Variants in SV2C observed in about 807,000 individuals in gnomAD.
SV2C encodes synaptic vesicle glycoprotein 2C.
Under a neutral mutation model 79.7 loss-of-function variants are expected in SV2C, and 49 were observed. The observed-to-expected ratio is 0.61, with a 90% CI of 0.49 to 0.78. The LOEUF (loss-of-function observed/expected upper bound fraction) is 0.78, where lower values mean the gene tolerates loss of function less well. SV2C is among the 30% of genes least tolerant of loss of function. The pLI, the probability that SV2C is intolerant of heterozygous loss-of-function variation, is 0.00. For synonymous variants in SV2C, 334 were observed against 333.2 expected, an observed-to-expected ratio of 1.00 and a Z score of -0.03; for missense variants, 833 against 912.9, an observed-to-expected ratio of 0.91 and a Z score of 1.13.
At chr5:76,289,406 A>G (rs893979604) in intron 6 of SV2C, among the ~76,000 whole-genome samples, 1 of 152,198 alleles carries the variant, frequency 6.6e-6, no homozygotes, top group African/African-American at 2.4e-5. Context: ...AGGCCCTTCA[A>G]AAATGGCATC....
At chr5:75,894,606 A>C in the SV2C span, among the ~76,000 whole-genome samples, 14 of 152,080 alleles carry the variant, frequency 9.2e-5, no homozygotes. Flanking sequence ...GTTTTTATTT[A>C]ACCTGAGTCA....
the SV2C span, among the ~76,000 whole-genome samples, chr5:76,052,270 TGA>T: frequency 6.6e-6 from 1 of 152,214 alleles, no homozygotes; most frequent in Non-Finnish European, 1.5e-5. Context: ...TTTTGAGTTT[TGA>T]GATCAGTGTG....
At chr5:76,070,594 G>A in the SV2C span, among the ~76,000 whole-genome samples, 1 of 152,186 alleles carries the variant, frequency 6.6e-6, no homozygotes, top group Non-Finnish European at 1.5e-5. Context: ...TCTGGACTTT[G>A]TCTTCTTTGG....
chr5:76,332,082 C>T lies in SV2C; in HGVS notation c.*6535C>T, dbSNP rs971445180. 1 of 152,196 alleles carries T rather than the reference C, an allele frequency of 6.6e-6. No homozygotes were observed. The highest frequency in any genetic ancestry group is 1.5e-5 in the Non-Finnish European group (1 of 68,042). The allele number at this position is 152,196 out of a possible 1,614,324, so 9.4% of individuals were successfully genotyped here. On this transcript the variant is annotated 3_prime_UTR_variant, in exon 13 of 13. Coordinates refer to ENST00000502798, the MANE Select transcript of SV2C (RefSeq NM_014979.4). Reference sequence around the variant, plus strand: ...CTCTCCATGTCTGCAGAAGATTCCCCACTTGGTGCTGAAGGCTAGGTGCCT... The same window carrying T: ...CTCTCCATGTCTGCAGAAGATTCCCTACTTGGTGCTGAAGGCTAGGTGCCT...
chr5:75,905,725 A>G, the SV2C span, among the ~76,000 whole-genome samples: 1 of 151,976 alleles, frequency 6.6e-6, no homozygotes, highest in Non-Finnish European at 1.5e-5. Context: ...TCCCTGAAAA[A>G]ATGGGACTTG....
chr5:76,317,063 A>T (rs1293335043), intron 12 of SV2C, among the ~76,000 whole-genome samples: 1 of 152,192 alleles, frequency 6.6e-6, no homozygotes, highest in Non-Finnish European at 1.5e-5. Flanking sequence ...GAATATGTAA[A>T]TTAGGAGTGT....
chr5:76,179,762 C>T lies in SV2C; in HGVS notation c.581-15157C>T, dbSNP rs191254756. ...ACATCCATTAGTGCAAGGTAGATCC[C>T]GCTATTTATTCACTCACTGCTCTGG... is the stretch of plus-strand genomic sequence containing the variant. On this transcript the variant is annotated intron_variant, in intron 2 of 12. Coordinates refer to ENST00000502798, the MANE Select transcript of SV2C (RefSeq NM_014979.4). Among the ~76,000 whole-genome samples the T allele has an allele frequency of 4.4e-4, 67 of 152,276 alleles. 1 individual carries two copies. Among genetic ancestry groups the T allele is most frequent in the Admixed American group, 2.0e-4 (3 of 15,298 alleles).
chr5:76,194,784 C>A, intron 2 of SV2C, 135 bp from the exon 3 acceptor site: 3 of 1,061,760 alleles, frequency 2.8e-6, no homozygotes, highest in Admixed American at 2.4e-5. Flanking sequence ...TTACTGTGTC[C>A]TGAAGGTTAT....
intron 4 of SV2C, among the ~76,000 whole-genome samples, chr5:76,261,678 T>A (rs1746474506): frequency 6.6e-6 from 1 of 152,202 alleles, no homozygotes; most frequent in Non-Finnish European, 1.5e-5. Flanking sequence ...ATCAAAGGCC[T>A]TTTCTGCAAC....
At chr5:75,970,257 A>C in the SV2C span, among the ~76,000 whole-genome samples, 4 of 152,246 alleles carry the variant, frequency 2.6e-5, no homozygotes, top group African/African-American at 4.8e-5. Context: ...AATCACAATT[A>C]AAAGAACTAG....
At chr5:76,224,360 G>A (rs2112385312) in intron 4 of SV2C, among the ~76,000 whole-genome samples, 1 of 152,242 alleles carries the variant, frequency 6.6e-6, no homozygotes, top group South Asian at 2.1e-4. Flanking sequence ...ATATGTATGT[G>A]TGTGTATGTG....
At chr5:76,352,110 G>A (rs1001266686) in intron 12 of SV2C, among the ~76,000 whole-genome samples, 1 of 152,118 alleles carries the variant, frequency 6.6e-6, no homozygotes, top group Non-Finnish European at 1.5e-5. Context: ...CTACTTGAGC[G>A]GCTGAGGCAG....
chr5:75,960,903 C>T, the SV2C span, among the ~76,000 whole-genome samples: 1 of 151,784 alleles, frequency 6.6e-6, no homozygotes, highest in Admixed American at 6.6e-5. Context: ...GCTCTAATAC[C>T]ACTTTGCACA....
chr5:76,139,111 T>C (rs1179946385), intron 2 of SV2C, among the ~76,000 whole-genome samples: 1 of 145,196 alleles, frequency 6.9e-6, no homozygotes, highest in African/African-American at 2.6e-5. Flanking sequence ...GGAGCGAGAC[T>C]CCATCTCAAA....
chr5:76,029,731 C>G, the SV2C span, among the ~76,000 whole-genome samples: 1 of 152,192 alleles, frequency 6.6e-6, no homozygotes, highest in South Asian at 2.1e-4. Context: ...TTTGGCTCTT[C>G]TACAGATCCA....
At chr5:75,903,222 A>C in the SV2C span, among the ~76,000 whole-genome samples, 1 of 152,288 alleles carries the variant, frequency 6.6e-6, no homozygotes. Flanking sequence ...TCAGGGCTCA[A>C]AGTATCCTTA....
At chr5:76,002,771 T>C in the SV2C span, among the ~76,000 whole-genome samples, 6 of 152,228 alleles carry the variant, frequency 3.9e-5, no homozygotes, top group South Asian at 6.2e-4. Flanking sequence ...TGAAGGTAAT[T>C]ATGAAACACT....
At chr5:76,020,269 G>A in the SV2C span, among the ~76,000 whole-genome samples, 2 of 151,844 alleles carry the variant, frequency 1.3e-5, no homozygotes, top group Non-Finnish European at 2.9e-5. Context: ...GCAGAGTGTA[G>A]AGTCTGTGTC....
At chr5:75,869,216 G>C in the SV2C span, among the ~76,000 whole-genome samples, 5 of 152,170 alleles carry the variant, frequency 3.3e-5, no homozygotes, top group East Asian at 7.7e-4. Flanking sequence ...GGCTCTTGGG[G>C]TCCTGATTGG....
Sources: gnomAD v4.1 joint callset for allele counts (sites outside exome capture counted in the v4.1 genomes callset) on GRCh38, gnomAD v4.1.1 for gene constraint, MANE v1.5 for transcripts, NCBI Gene and HGNC (gene_info 2026-07-23, HGNC 2026-07-21) for gene names.